Variants in VCF1 observed in about 807,000 individuals in gnomAD.
The protein encoded by VCF1 is VCP nuclear cofactor family member 1.
At chr17:73,216,406 G>A in the VCF1 span, among the ~76,000 whole-genome samples, 9 of 152,158 alleles carry the variant, frequency 5.9e-5, no homozygotes, top group Non-Finnish European at 1.3e-4. Context: ...GAGGAAGCCA[G>A]GATCCAGAGA....
chr17:73,227,989 T>C, the VCF1 span, among the ~76,000 whole-genome samples: 1 of 152,228 alleles, frequency 6.6e-6, no homozygotes, highest in Non-Finnish European at 1.5e-5. Context: ...AGGTATAATT[T>C]TCAGTCAAAT....
At chr17:73,232,259 C>A in the VCF1 span, 2 of 1,609,954 alleles carry the variant, frequency 1.2e-6, no homozygotes, top group Non-Finnish European at 1.7e-6. Context: ...ACCCCTCAGT[C>A]GGACCCGTAC....
the VCF1 span, chr17:73,212,650 A>G: frequency 2.6e-6 from 4 of 1,565,024 alleles, no homozygotes; most frequent in Non-Finnish European, 3.5e-6. Context: ...TTTAACAAAC[A>G]GGTCACTACA....
At chr17:73,224,709 T>G in the VCF1 span, among the ~76,000 whole-genome samples, 1 of 152,244 alleles carries the variant, frequency 6.6e-6, no homozygotes, top group Admixed American at 6.5e-5. Context: ...CTTCATTATT[T>G]GGGGCTTAAC....
the VCF1 span, among the ~76,000 whole-genome samples, chr17:73,215,709 A>T: frequency 6.6e-6 from 1 of 152,238 alleles, no homozygotes; most frequent in Non-Finnish European, 1.5e-5. Flanking sequence ...AAGGCGTTCC[A>T]CTAGGGCTGC....
At chr17:73,214,316 TAAAA>T in the VCF1 span, among the ~76,000 whole-genome samples, 3 of 143,700 alleles carry the variant, frequency 2.1e-5, no homozygotes, top group Non-Finnish European at 3.0e-5. Flanking sequence ...CAACCAGCAT[TAAAA>T]AAAAAAAAAA....
the VCF1 span, chr17:73,208,142 TC>T: frequency 2.7e-6 from 4 of 1,507,322 alleles, no homozygotes; most frequent in Non-Finnish European, 3.5e-6. Flanking sequence ...CTCATGCTGT[TC>T]CGTGTCCTCT....
At chr17:73,222,972 G>C in the VCF1 span, among the ~76,000 whole-genome samples, 2 of 152,028 alleles carry the variant, frequency 1.3e-5, no homozygotes, top group African/African-American at 4.8e-5. Flanking sequence ...TTGGACAAGT[G>C]ACTATTTTTC....
the VCF1 span, among the ~76,000 whole-genome samples, chr17:73,228,145 G>T: frequency 6.6e-6 from 1 of 152,210 alleles, no homozygotes; most frequent in Non-Finnish European, 1.5e-5. Flanking sequence ...AGTGGCTACT[G>T]CACTGACCAG....
chr17:73,209,568 G>A, the VCF1 span: 118 of 1,588,564 alleles, frequency 7.4e-5, no homozygotes, highest in Non-Finnish European at 9.2e-5. Context: ...GGCTGTGGAA[G>A]TGGGCCTCCC....
the VCF1 span, among the ~76,000 whole-genome samples, chr17:73,217,258 C>T: frequency 6.6e-6 from 1 of 152,032 alleles, no homozygotes; most frequent in African/African-American, 2.4e-5. Context: ...GAGGCTGAGG[C>T]AGGAGAATCG....
At chr17:73,209,523 G>T in the VCF1 span, 1 of 1,577,382 alleles carries the variant, frequency 6.3e-7, no homozygotes. Flanking sequence ...AGAAACTGCC[G>T]GCACATCATG....
the VCF1 span, among the ~76,000 whole-genome samples, chr17:73,213,768 G>A: frequency 1.3e-5 from 2 of 152,082 alleles, no homozygotes; most frequent in Non-Finnish European, 1.5e-5. Context: ...CCAGGAGTTC[G>A]AGACCAGCCT....
chr17:73,211,690 T>A, the VCF1 span, among the ~76,000 whole-genome samples: 3 of 151,246 alleles, frequency 2.0e-5, no homozygotes, highest in Non-Finnish European at 4.4e-5. Flanking sequence ...TGAAACCCCA[T>A]CTCCACTAAA....
chr17:73,232,338 G>A, the VCF1 span: 3 of 1,533,832 alleles, frequency 2.0e-6, no homozygotes, highest in African/African-American at 2.7e-5. Context: ...CCCTCTCGCG[G>A]CTGCGCAGTG....
the VCF1 span, among the ~76,000 whole-genome samples, chr17:73,230,908 AT>A: frequency 6.6e-6 from 1 of 152,096 alleles, no homozygotes; most frequent in East Asian, 1.9e-4. Context: ...AAATATTTAG[AT>A]TTTTTTTCAG....
At chr17:73,226,881 C>A in the VCF1 span, among the ~76,000 whole-genome samples, 1 of 152,138 alleles carries the variant, frequency 6.6e-6, no homozygotes, top group Admixed American at 6.5e-5. Context: ...TGCTGAAATA[C>A]AAAACAGTGA....
the VCF1 span, among the ~76,000 whole-genome samples, chr17:73,220,072 C>T: frequency 2.0e-5 from 3 of 151,916 alleles, no homozygotes; most frequent in South Asian, 2.1e-4. Flanking sequence ...TGAAAAGAGT[C>T]GGCCAAATCA....
At chr17:73,212,263 T>C in the VCF1 span, among the ~76,000 whole-genome samples, 1 of 152,148 alleles carries the variant, frequency 6.6e-6, no homozygotes, top group Non-Finnish European at 1.5e-5. Context: ...CATCCAATAA[T>C]ATGCATATAG....
Sources: allele counts gnomAD v4.1 joint callset (sites outside exome capture counted in the v4.1 genomes callset), GRCh38; gene constraint gnomAD v4.1.1; transcripts MANE v1.5; gene names NCBI Gene and HGNC (gene_info 2026-07-23, HGNC 2026-07-21).